The following STXBP6 variants were observed in gnomAD, a reference collection of about 807,000 sequenced individuals.
The protein encoded by STXBP6 is syntaxin binding protein 6.
A neutral mutation model predicts 26.9 loss-of-function variants in STXBP6; 21 were observed. The ratio of observed to expected loss-of-function variants is 0.78; its 90% CI spans 0.55 to 1.12. STXBP6 has a LOEUF of 1.12. Ranked by LOEUF, STXBP6 falls within the 50% of genes most tolerant of loss-of-function variation. The probability of loss-of-function intolerance (pLI) is 0.00; values close to 1 mark genes in which losing one functional copy is unlikely to be tolerated. For synonymous variants in STXBP6, 97 were observed against 92.6 expected, an observed-to-expected ratio of 1.05 and a Z score of -0.27; for missense variants, 232 against 257.9, an observed-to-expected ratio of 0.90 and a Z score of 0.69.
intron 1 of STXBP6, among the ~76,000 whole-genome samples, chr14:24,993,067 T>A (rs571369472): frequency 1.1e-4 from 17 of 152,298 alleles, no homozygotes; most frequent in African/African-American, 4.1e-4. Flanking sequence ...TAGCTTATGA[T>A]CTCTTCTCTT....
chr14:24,950,881 A>G (rs1315077692), intron 2 of STXBP6, among the ~76,000 whole-genome samples: 6 of 151,928 alleles, frequency 3.9e-5, no homozygotes, highest in African/African-American at 1.2e-4. Context: ...TCCCAATGCT[A>G]TCCCTCCCCC....
chr14:24,980,367 C>A (rs915991323), intron 1 of STXBP6, among the ~76,000 whole-genome samples: 2 of 152,106 alleles, frequency 1.3e-5, no homozygotes, highest in African/African-American at 4.8e-5. Context: ...TAAGACAGTT[C>A]TCAAGTTGAA....
Position 24,856,042 on chromosome 14 carries a change from T to C in STXBP6, c.345A>G (p.Thr115=). The C allele has an allele frequency of 6.2e-7, 1 of 1,611,286 alleles. No homozygotes were observed. Among genetic ancestry groups the C allele is most frequent in the Non-Finnish European group, 8.5e-7 (1 of 1,178,520 alleles). Residue 115 remains threonine, a synonymous_variant, in exon 4 of 6, where the codon ACA becomes ACG. Coordinates refer to ENST00000323944, the MANE Select transcript of STXBP6 (RefSeq NM_001394410.1). ...GGAAGAAGGTGCATTTTTCTGACGC[T>C]GTGCTGGCTACCCACTGGTCAAAAG... The part of the protein sequence containing the change: ...ENAFDQWVAS[T]ASEKCTFFQI...
At chr14:24,994,115 T>C (rs558177743) in intron 1 of STXBP6, among the ~76,000 whole-genome samples, 2 of 152,322 alleles carry the variant, frequency 1.3e-5, no homozygotes, top group East Asian at 1.9e-4. Context: ...ATACATACTT[T>C]GCTTCTCTCT....
chr14:24,983,393 C>T (rs1396070770), intron 1 of STXBP6, among the ~76,000 whole-genome samples: 1 of 152,168 alleles, frequency 6.6e-6, no homozygotes, highest in Non-Finnish European at 1.5e-5. Context: ...CTATTCCAAC[C>T]ATGTTCAAAT....
chr14:24,819,938 C>G (rs116266052), intron 4 of STXBP6, among the ~76,000 whole-genome samples: 2,303 of 152,276 alleles, frequency 0.015, 69 homozygotes, highest in African/African-American at 0.053. Flanking sequence ...CTAGAAGAAA[C>G]TTGGTACTCC....
Position 25,023,546 on chromosome 14 carries a change from T to C in STXBP6, c.-33+26332A>G, listed in dbSNP as rs971868065. On this transcript the variant is annotated intron_variant, in intron 1 of 5. Transcript: ENST00000323944. ...GCTTTTGTGGCTGGGCGGTGGCTCATGCCTGCAATCCCAACAGTATGGAAG... is the reference window on the plus strand; with the variant it reads ...GCTTTTGTGGCTGGGCGGTGGCTCACGCCTGCAATCCCAACAGTATGGAAG... 3.9e-5 allele frequency among the ~76,000 whole-genome samples: 6 copies of C among 152,222 alleles called. No individual in the cohort carries two copies. In the East Asian group the frequency reaches 5.8e-4, roughly 15 times the overall value.
chr14:24,882,378 CAAAAAAAAAAAAAAAAAAAAAA>C (rs57240083), intron 2 of STXBP6, among the ~76,000 whole-genome samples: 1 of 26,830 alleles, frequency 3.7e-5, no homozygotes, highest in African/African-American at 1.7e-4. Context: ...GACTCCGTCT[CAAAAAAAAAAAAAAAAAAAAAA>C]AAAAAAAAAA....
chr14:24,855,445 A>G (rs1322654906), intron 4 of STXBP6, among the ~76,000 whole-genome samples: 2 of 152,042 alleles, frequency 1.3e-5, no homozygotes, highest in Admixed American at 1.3e-4. Flanking sequence ...TACTGTACTC[A>G]TCCTAACTCA....
At chr14:24,852,435 C>G (rs909102727) in intron 4 of STXBP6, among the ~76,000 whole-genome samples, 1 of 152,076 alleles carries the variant, frequency 6.6e-6, no homozygotes, top group Non-Finnish European at 1.5e-5. Context: ...TTGTCCTCAA[C>G]CTTTGCACTT....
chr14:24,917,160 T>C (rs1453567695), intron 2 of STXBP6, among the ~76,000 whole-genome samples: 1 of 152,014 alleles, frequency 6.6e-6, no homozygotes, highest in African/African-American at 2.4e-5. Context: ...GCAAAGATAA[T>C]ACTAACATCC....
intron 1 of STXBP6, among the ~76,000 whole-genome samples, chr14:25,000,552 A>C (rs1328402135): frequency 6.6e-6 from 1 of 151,442 alleles, no homozygotes; most frequent in Non-Finnish European, 1.5e-5. Flanking sequence ...ATAGAAACTG[A>C]AATTTCTCTT....
At chr14:24,849,369 C>A (rs1035970663) in intron 4 of STXBP6, among the ~76,000 whole-genome samples, 5 of 152,046 alleles carry the variant, frequency 3.3e-5, no homozygotes, top group Non-Finnish European at 5.9e-5. Flanking sequence ...ACATAATTTT[C>A]AACTGAATTC....
intron 2 of STXBP6, among the ~76,000 whole-genome samples, chr14:24,941,976 G>A (rs2072819634): frequency 6.6e-6 from 1 of 152,214 alleles, no homozygotes; most frequent in African/African-American, 2.4e-5. Flanking sequence ...CCCTCAGCAA[G>A]TCTCTCTAGG....
chr14:24,980,469 AACT>A (rs1259442102), intron 1 of STXBP6, among the ~76,000 whole-genome samples: 1 of 152,230 alleles, frequency 6.6e-6, no homozygotes, highest in African/African-American at 2.4e-5. Flanking sequence ...CATGTAATTC[AACT>A]ACTACTCTTA....
chr14:24,968,423 A>G (rs925811088), intron 2 of STXBP6, among the ~76,000 whole-genome samples: 1 of 151,976 alleles, frequency 6.6e-6, no homozygotes, highest in East Asian at 1.9e-4. Context: ...GAAAGTAGAC[A>G]ATTTCTTTCT....
intron 2 of STXBP6, among the ~76,000 whole-genome samples, chr14:24,916,017 G>T (rs1212699409): frequency 6.6e-6 from 1 of 152,114 alleles, no homozygotes; most frequent in African/African-American, 2.4e-5. Context: ...TTATAACTCC[G>T]ATTCTGAAGT....
chr14:24,920,994 A>G (rs1418394644), intron 2 of STXBP6, among the ~76,000 whole-genome samples: 1 of 152,112 alleles, frequency 6.6e-6, no homozygotes, highest in Non-Finnish European at 1.5e-5. Flanking sequence ...AGCAGACACA[A>G]GGCACCAGAG....
intron 2 of STXBP6, among the ~76,000 whole-genome samples, chr14:24,905,987 GA>G (rs928050835): frequency 6.6e-6 from 1 of 151,860 alleles, no homozygotes; most frequent in Non-Finnish European, 1.5e-5. Context: ...ACTTTGAGTA[GA>G]AAAAAAGACA....
Sources: allele counts gnomAD v4.1 joint callset (sites outside exome capture counted in the v4.1 genomes callset), GRCh38; gene constraint gnomAD v4.1.1; transcripts MANE v1.5; gene names NCBI Gene and HGNC (gene_info 2026-07-23, HGNC 2026-07-21).